The following ST6GALNAC5 variants were observed in gnomAD, a reference collection of about 807,000 sequenced individuals.
The protein encoded by ST6GALNAC5 is ST6 N-acetylgalactosaminide alpha-2,6-sialyltransferase 5.
Under a neutral mutation model 33.6 loss-of-function variants are expected in ST6GALNAC5, and 27 were observed. The ratio of observed to expected loss-of-function variants is 0.80; its 90% CI spans 0.59 to 1.11. The LOEUF is 1.11. Ranked by LOEUF, ST6GALNAC5 falls within the 50% of genes least tolerant of loss-of-function variation. The pLI is 0.00. For missense variants in ST6GALNAC5, 428 were observed against 454.0 expected (o/e 0.94, Z 0.52); for synonymous variants, 194 against 171.2 (o/e 1.13, Z -1.04).
At chr1:76,915,352 C>A (rs1007934048) in intron 2 of ST6GALNAC5, among the ~76,000 whole-genome samples, 1 of 151,964 alleles carries the variant, frequency 6.6e-6, no homozygotes. Flanking sequence ...GGTATATACC[C>A]AAAGGACTAT....
intron 2 of ST6GALNAC5, among the ~76,000 whole-genome samples, chr1:76,959,082 C>T (rs576280954): frequency 5.9e-5 from 9 of 152,186 alleles, no homozygotes; most frequent in Non-Finnish European, 1.3e-4. Flanking sequence ...CTGCAGGTGT[C>T]AGATTTTTAT....
intron 2 of ST6GALNAC5, among the ~76,000 whole-genome samples, chr1:76,875,914 G>A (rs1653628256): frequency 6.6e-6 from 1 of 152,182 alleles, no homozygotes; most frequent in African/African-American, 2.4e-5. Context: ...AGCTGCTTAA[G>A]GATGATGGGG....
chr1:76,914,679 C>A (rs1003879819), intron 2 of ST6GALNAC5, among the ~76,000 whole-genome samples: 1 of 152,136 alleles, frequency 6.6e-6, no homozygotes, highest in Non-Finnish European at 1.5e-5. Flanking sequence ...ACACCTTATA[C>A]AAAAATTAAT....
intron 2 of ST6GALNAC5, among the ~76,000 whole-genome samples, chr1:76,937,285 A>G (rs993192644): frequency 1.3e-5 from 2 of 152,034 alleles, no homozygotes; most frequent in East Asian, 3.9e-4. Flanking sequence ...TCTCAAAGAT[A>G]AAAGTTTTGC....
intron 2 of ST6GALNAC5, among the ~76,000 whole-genome samples, chr1:76,979,737 G>A (rs978165692): frequency 2.6e-5 from 4 of 152,194 alleles, no homozygotes; most frequent in Non-Finnish European, 4.4e-5. Context: ...GACCAGCCTG[G>A]CCAACATGGC....
intron 2 of ST6GALNAC5, among the ~76,000 whole-genome samples, chr1:76,889,487 AT>A (rs1442627233): frequency 4.6e-5 from 7 of 152,090 alleles, no homozygotes; most frequent in Non-Finnish European, 1.0e-4. Context: ...TTCTTTGAAA[AT>A]ATCTTTATTT....
At chr1:76,942,665 C>A (rs1647378813) in intron 2 of ST6GALNAC5, among the ~76,000 whole-genome samples, 1 of 152,116 alleles carries the variant, frequency 6.6e-6, no homozygotes, top group African/African-American at 2.4e-5. Context: ...TCTTCAGGAT[C>A]TAACTGAGTT....
chr1:76,967,053 A>T (rs937869992), intron 2 of ST6GALNAC5, among the ~76,000 whole-genome samples: 2 of 152,164 alleles, frequency 1.3e-5, no homozygotes, highest in African/African-American at 4.8e-5. Context: ...CTGGTCTAAA[A>T]TTCTCTTTTT....
rs1652734435 is a variant in ST6GALNAC5 at position 77,065,289 on chromosome 1, A to T, written c.*2083A>T. The T allele has an allele frequency of 6.6e-6, 1 of 152,226 alleles. No homozygotes were observed. The highest frequency in any genetic ancestry group is 6.5e-5 in the Admixed American group (1 of 15,282). 9.4% of individuals were successfully genotyped at this position (152,226 alleles called of 1,614,324 possible). The stretch of plus-strand genomic sequence containing the variant: ...AAAGGCATAGTTTCAACATGCAAGA[A>T]TGTAATTATATTGCTTCATCTAATA... On this transcript the variant is annotated 3_prime_UTR_variant, in exon 5 of 5. Coordinates refer to ENST00000477717, the MANE Select transcript of ST6GALNAC5 (RefSeq NM_030965.3).
intron 2 of ST6GALNAC5, among the ~76,000 whole-genome samples, chr1:76,896,692 C>G (rs528741186): frequency 1.3e-5 from 2 of 151,900 alleles, no homozygotes; most frequent in African/African-American, 4.8e-5. Context: ...TGGTAATTGT[C>G]GGACTTAAAG....
At chr1:76,963,295 T>C (rs1451956488) in intron 2 of ST6GALNAC5, among the ~76,000 whole-genome samples, 1 of 152,226 alleles carries the variant, frequency 6.6e-6, no homozygotes, top group Non-Finnish European at 1.5e-5. Flanking sequence ...GCTTTATTGA[T>C]AATAGACTAA....
At chr1:77,052,367 G>T (rs2100472010) in intron 4 of ST6GALNAC5, among the ~76,000 whole-genome samples, 1 of 152,292 alleles carries the variant, frequency 6.6e-6, no homozygotes, top group African/African-American at 2.4e-5. Flanking sequence ...ATGTTGACTG[G>T]ACCACCAGGC....
chr1:76,882,636 G>A (rs1653807226), intron 2 of ST6GALNAC5, among the ~76,000 whole-genome samples: 1 of 152,132 alleles, frequency 6.6e-6, no homozygotes, highest in Non-Finnish European at 1.5e-5. Flanking sequence ...AGTATTCTCT[G>A]GCAGACTGAA....
chr1:76,898,798 T>A (rs1159920538), intron 2 of ST6GALNAC5, among the ~76,000 whole-genome samples: 1 of 151,946 alleles, frequency 6.6e-6, no homozygotes. Context: ...GATAAAAAGA[T>A]TATAGGTTGG....
rs1005017538 is a variant in ST6GALNAC5 at position 77,066,249 on chromosome 1, CT to C, written c.*3047del. The stretch of plus-strand genomic sequence containing the variant: ...AGGTCATCAGATTTCAGAGTAAGAT[CT>C]TTTCTTTAAAAAAAAAAATAGATGA... On this transcript the variant is annotated 3_prime_UTR_variant, in exon 5 of 5. Transcript: ENST00000477717. Among the ~76,000 whole-genome samples the C allele has an allele frequency of 8.6e-5, 13 of 151,656 alleles. No homozygotes were observed. The highest frequency in any genetic ancestry group is 3.2e-4 in the African/African-American group (13 of 41,264).
chr1:76,894,035 A>G (rs1371052811), intron 2 of ST6GALNAC5, among the ~76,000 whole-genome samples: 1 of 152,174 alleles, frequency 6.6e-6, no homozygotes, highest in African/African-American at 2.4e-5. Flanking sequence ...AAACATTTTC[A>G]AATCAGTCCC....
intron 2 of ST6GALNAC5, among the ~76,000 whole-genome samples, chr1:76,962,371 A>T (rs1648274639): frequency 6.6e-6 from 1 of 152,244 alleles, no homozygotes; most frequent in African/African-American, 2.4e-5. Context: ...ACTCACAGAA[A>T]GTTTAGAGAC....
intron 2 of ST6GALNAC5, among the ~76,000 whole-genome samples, chr1:76,914,444 TACAA>T (rs1486063375): frequency 6.6e-6 from 1 of 152,124 alleles, no homozygotes; most frequent in African/African-American, 2.4e-5. Context: ...CAAACTCTAC[TACAA>T]GGCTACAGTA....
At chr1:76,986,366 C>T (rs1287069444) in intron 2 of ST6GALNAC5, among the ~76,000 whole-genome samples, 2 of 152,148 alleles carry the variant, frequency 1.3e-5, no homozygotes, top group African/African-American at 4.8e-5. Flanking sequence ...TATGAACAGA[C>T]ACTTCTCAAA....
Sources: gnomAD v4.1 joint callset for allele counts (sites outside exome capture counted in the v4.1 genomes callset) on GRCh38, gnomAD v4.1.1 for gene constraint, MANE v1.5 for transcripts, NCBI Gene and HGNC (gene_info 2026-07-23, HGNC 2026-07-21) for gene names.